The following ZNF592 variants were observed in gnomAD, a reference collection of about 807,000 sequenced individuals.
ZNF592 encodes the protein spinocerebellar ataxia, autosomal recessive 5.
In ZNF592, 11 loss-of-function variants were observed where a neutral mutation model predicts 80.3. The ratio of observed to expected loss-of-function variants is 0.14; its 90% CI spans 0.09 to 0.23. The LOEUF (loss-of-function observed/expected upper bound fraction) is 0.23, where lower values mean the gene tolerates loss of function less well. Ranked by LOEUF, ZNF592 falls within the 10% of genes least tolerant of loss-of-function variation. ZNF592 has a pLI of 1.00. For synonymous variants in ZNF592, 646 were observed against 640.3 expected (o/e 1.01, Z -0.13); for missense variants, 1,420 against 1,633.9 (o/e 0.87, Z 2.26).
intron 2 of ZNF592, among the ~76,000 whole-genome samples, chr15:84,774,108 C>T (rs886819206): frequency 1.3e-5 from 2 of 152,188 alleles, no homozygotes; most frequent in African/African-American, 2.4e-5. Context: ...CTGAATGTTC[C>T]TTCACATTTG....
rs375076818 is a variant in ZNF592 at position 84,783,391 on chromosome 15, G to A, written c.716G>A (p.Gly239Glu). ...GATCCGGATGCCACTCGATTCTTCG[G>A]GGAAGCTTTGGAGTTCAACAGCCAT... ...HKDPDATRFF[G>E]EALEFNSHPS... The change falls in exon 4 of 11, where the codon GGG (glycine) becomes GAG (glutamate). Residue 239 changes from glycine to glutamate, a missense_variant. Transcript: ENST00000560079. The surrounding 1 kb of genome is among the most constrained non-coding windows in gnomAD (Gnocchi z 5.0). The A allele has an allele frequency of 5.9e-5, 95 of 1,614,086 alleles. No individual in the cohort carries two copies. Among genetic ancestry groups the A allele is most frequent in the Non-Finnish European group, 7.8e-5 (92 of 1,180,058 alleles).
intron 5 of ZNF592, among the ~76,000 whole-genome samples, chr15:84,791,808 AC>A (rs1962757869): frequency 6.6e-6 from 1 of 152,256 alleles, no homozygotes. Flanking sequence ...CAAGGGCCTG[AC>A]CAGGAATAAC....
rs571094944 is a variant in ZNF592 at position 84,782,826 on chromosome 15, A to G, written c.151A>G (p.Ser51Gly). 28 of 1,614,130 alleles carry G rather than the reference A, an allele frequency of 1.7e-5. 2 individuals are homozygous for G. In the South Asian group the frequency reaches 2.3e-4, roughly 13 times the overall value. Residue 51 changes from serine (S) to glycine (G), a missense_variant, in exon 4 of 11, where the codon AGT becomes GGT. Around this residue, in one of 7 missense-constraint regions of ZNF592, gnomAD observed 373 missense variants for 355.5 expected, o/e 1.05. Coordinates refer to ENST00000560079, the MANE Select transcript of ZNF592 (RefSeq NM_014630.3). Reference sequence around the variant, plus strand: ...ACCTCCAGGCATATGTATGGATGAAAGTGTGTCCTTGTCTCACTCAGGATC... The same window carrying G: ...ACCTCCAGGCATATGTATGGATGAAGGTGTGTCCTTGTCTCACTCAGGATC... Reference protein sequence around the residue: ...LKPPGICMDESVSLSHSGSAP... With the variant: ...LKPPGICMDEGVSLSHSGSAP...
chr15:84,766,835 C>T (rs1321442811), intron 2 of ZNF592, among the ~76,000 whole-genome samples: 1 of 151,658 alleles, frequency 6.6e-6, no homozygotes, highest in Non-Finnish European at 1.5e-5. Context: ...TCTAAGGCAA[C>T]CATAGGGATG....
intron 2 of ZNF592, among the ~76,000 whole-genome samples, chr15:84,770,679 C>A (rs1055828578): frequency 1.9e-4 from 29 of 151,924 alleles, no homozygotes; most frequent in African/African-American, 6.5e-4. Flanking sequence ...GCAGTGGAAT[C>A]ACCTGGGAAG....
chr15:84,784,012 G>T lies in ZNF592; in HGVS notation c.1337G>T (p.Arg446Met). 1 of 1,610,958 alleles carries T rather than the reference G, an allele frequency of 6.2e-7. No individual in the cohort carries two copies. Among genetic ancestry groups the T allele is most frequent in the Non-Finnish European group, 8.5e-7 (1 of 1,177,600 alleles). ...GTNSGSPQGA[R>M]KGDESMTKAS... Reference sequence around the variant, plus strand: ...AATTCAGGGAGCCCCCAGGGGGCCAGGAAAGGGGACGAGAGCATGACAAAG... The same window carrying T: ...AATTCAGGGAGCCCCCAGGGGGCCATGAAAGGGGACGAGAGCATGACAAAG... The change falls in exon 4 of 11, where the codon AGG becomes ATG. Residue 446 changes from arginine to methionine, a missense_variant. Around this residue, in one of 7 missense-constraint regions of ZNF592, gnomAD observed 524 missense variants for 628.3 expected, o/e 0.83. Coordinates refer to ENST00000560079, the MANE Select transcript of ZNF592 (RefSeq NM_014630.3). This position sits in a 1 kb window ranked among gnomAD's most constrained non-coding sequence, Gnocchi z 5.8.
chr15:84,765,187 T>A (rs1352945016), intron 2 of ZNF592, among the ~76,000 whole-genome samples: 4 of 152,220 alleles, frequency 2.6e-5, no homozygotes, highest in South Asian at 2.1e-4. Context: ...TGTTGTAGCA[T>A]GTGTCAGAAT....
Position 84,783,056 on chromosome 15 carries a change from G to A in ZNF592, c.381G>A (p.Leu127=). ...GDSARSFPGK[L]EPPKSEPLPT... ...GTGCCAGGAGTTTCCCTGGCAAACT[G>A]GAGCCTCCCAAGTCAGAGCCATTAC... Residue 127 remains leucine, a synonymous_variant, in exon 4 of 11, where the codon CTG becomes CTA. Transcript: ENST00000560079. The surrounding 1 kb of genome is among the most constrained non-coding windows in gnomAD (Gnocchi z 5.0). 5 of 1,614,146 alleles carry A rather than the reference G, an allele frequency of 3.1e-6. No homozygotes were observed. Among genetic ancestry groups the A allele is most frequent in the Non-Finnish European group, 4.2e-6 (5 of 1,180,034 alleles).
At chr15:84,768,436 T>C (rs1206622762) in intron 2 of ZNF592, among the ~76,000 whole-genome samples, 3 of 151,718 alleles carry the variant, frequency 2.0e-5, no homozygotes, top group African/African-American at 7.3e-5. Flanking sequence ...CAAGGTTTCA[T>C]CATGTGGACC....
At chr15:84,801,756 C>G (rs1005639273) in intron 10 of ZNF592, 107 bp from the exon 11 acceptor site, 4 of 1,551,060 alleles carry the variant, frequency 2.6e-6, no homozygotes, top group African/African-American at 2.7e-5. Flanking sequence ...GCTGGGGTGA[C>G]CCTGGCCTGG....
At chr15:84,782,385 A>G (rs1327276030) in intron 3 of ZNF592, among the ~76,000 whole-genome samples, 1 of 152,178 alleles carries the variant, frequency 6.6e-6, no homozygotes, top group Non-Finnish European at 1.5e-5. Context: ...GTGGCTTTGT[A>G]ATAACCAGCC....
At chr15:84,788,376 T>G (rs921785103) in intron 4 of ZNF592, among the ~76,000 whole-genome samples, 8 of 152,216 alleles carry the variant, frequency 5.3e-5, no homozygotes, top group Non-Finnish European at 7.3e-5. Flanking sequence ...TCTCATTTAT[T>G]AGCTAGAATT....
rs1309147097 is a variant in ZNF592 at position 84,790,675 on chromosome 15, A to C, written c.2221-30A>C. 3.7e-6 allele frequency: 6 copies of C among 1,613,636 alleles called. No homozygotes were observed. The African/African-American group carries it at 6.7e-5, about 18-fold the overall frequency. On this transcript the variant is annotated intron_variant, in intron 4 of 10. Coordinates refer to ENST00000560079, the MANE Select transcript of ZNF592 (RefSeq NM_014630.3). ...AGAGCCACAGGCCTATGGCCCCTGC[A>C]TGATCTGCTTTCTTGGTGTTCTTTC...
Position 84,783,423 on chromosome 15 carries a change from A to T in ZNF592, c.748A>T (p.Asn250Tyr). The T allele has an allele frequency of 6.2e-7, 1 of 1,614,188 alleles. No homozygotes were observed. The highest frequency in any genetic ancestry group is 8.5e-7 in the Non-Finnish European group (1 of 1,180,026). The change falls in exon 4 of 11, where the codon AAC becomes TAC. Residue 250 changes from asparagine (N) to tyrosine (Y), a missense_variant. Transcript: ENST00000560079. This position sits in a 1 kb window ranked among gnomAD's most constrained non-coding sequence, Gnocchi z 5.0. ...EALEFNSHPSNSIGESKGLAR... is the reference protein window; with the variant it reads ...EALEFNSHPSYSIGESKGLAR... ...TTTGGAGTTCAACAGCCATCCTAGC[A>T]ACAGTATTGGAGAGTCCAAGGGGCT...
rs767547067 is a variant in ZNF592, at chr15:84,799,874, G to A, written c.3170G>A (p.Arg1057Gln). The change falls in exon 10 of 11, where the codon CGG becomes CAG. Residue 1057 changes from arginine (R) to glutamine (Q), a missense_variant. Physicochemically the swap from Arg to Gln is conservative, Grantham distance 43. Around this residue, in one of 7 missense-constraint regions of ZNF592, gnomAD observed 331 missense variants for 347.0 expected, o/e 0.95. Transcript: ENST00000560079. This position sits in a 1 kb window ranked among gnomAD's most constrained non-coding sequence, Gnocchi z 4.2. ...ACAGAGGACAGCCCCAGCTTTCCTCGGCCCTCCCTTCTGGAGAGCCACATC... is the reference window on the plus strand; with the variant it reads ...ACAGAGGACAGCCCCAGCTTTCCTCAGCCCTCCCTTCTGGAGAGCCACATC... ...YCTEDSPSFP[R>Q]PSLLESHISL... is the part of the protein sequence containing the mutation. 46 of 1,613,952 alleles carry A rather than the reference G, an allele frequency of 2.9e-5. 1 individual carries two copies. The highest frequency in any genetic ancestry group is 6.7e-5 in the African/African-American group (5 of 74,882).
chr15:84,748,744 C>T (rs1432482689), intron 1 of ZNF592, 80 bp downstream of exon 1: 1 of 147,478 alleles, frequency 6.8e-6, no homozygotes, highest in Non-Finnish European at 1.5e-5. Flanking sequence ...GGATCGCAGC[C>T]GGGACCGAGT....
chr15:84,798,117 A>C lies in ZNF592; in HGVS notation c.2576+72A>C. 4 of 1,591,682 alleles carry C rather than the reference A, an allele frequency of 2.5e-6. No homozygotes were observed. The highest frequency in any genetic ancestry group is 1.1e-5 in the South Asian group (1 of 89,978). ...TAGCCTGGGTGCTGTAGGGGGTGGC[A>C]TAGGGATGGGTGAGGGAGCTGGGGT... On this transcript the variant is annotated intron_variant, in intron 6 of 10. Coordinates refer to ENST00000560079, the MANE Select transcript of ZNF592 (RefSeq NM_014630.3). This position sits in a 1 kb window ranked among gnomAD's most constrained non-coding sequence, Gnocchi z 4.5.
intron 2 of ZNF592, among the ~76,000 whole-genome samples, chr15:84,765,313 A>AT (rs1160917094): frequency 3.9e-5 from 6 of 152,116 alleles, no homozygotes; most frequent in African/African-American, 1.4e-4. Context: ...GTTATGAATA[A>AT]TCCTGCTATG....
Position 84,783,602 on chromosome 15 carries a change from G to A in ZNF592, c.927G>A (p.Lys309=). The A allele has an allele frequency of 6.2e-7, 1 of 1,614,196 alleles. No individual in the cohort carries two copies. Among genetic ancestry groups the A allele is most frequent in the Non-Finnish European group, 8.5e-7 (1 of 1,180,034 alleles). The change falls in exon 4 of 11, where the codon AAG becomes AAA. Residue 309 remains lysine (K), a synonymous_variant. Transcript: ENST00000560079. The surrounding 1 kb of genome is among the most constrained non-coding windows in gnomAD (Gnocchi z 5.0). ...VTKEDQPGHT[K]DLSGPTKESS... ...AGGAGGATCAGCCTGGCCACACAAAGGATCTCTCAGGGCCCACTAAAGAGA... is the reference window on the plus strand; with the variant it reads ...AGGAGGATCAGCCTGGCCACACAAAAGATCTCTCAGGGCCCACTAAAGAGA...
Sources: allele counts gnomAD v4.1 joint callset (sites outside exome capture counted in the v4.1 genomes callset), GRCh38; gene constraint gnomAD v4.1.1; regional missense constraint gnomAD v4.1.1; non-coding constraint Gnocchi (gnomAD v3.1); transcripts MANE v1.5; gene names NCBI Gene and HGNC (gene_info 2026-07-23, HGNC 2026-07-21).